Variants in GATC observed in about 807,000 individuals in gnomAD.
The protein encoded by GATC is glutamyl-tRNA(Gln) amidotransferase subunit C, mitochondrial.
Under a neutral mutation model 14.4 loss-of-function variants are expected in GATC, and 11 were observed. The observed-to-expected ratio is 0.77, with a 90% confidence interval of 0.48 to 1.27. GATC has a LOEUF of 1.27. Ranked by LOEUF, GATC falls within the 50% of genes most tolerant of loss-of-function variation. The probability of loss-of-function intolerance (pLI) is 0.00; values close to 1 mark genes in which losing one functional copy is unlikely to be tolerated. For synonymous variants in GATC, 76 were observed against 79.3 expected (o/e 0.96, Z 0.22); for missense variants, 204 against 183.0 (o/e 1.11, Z -0.66).
chr12:120,455,888 G>A (rs1398584676), intron 2 of GATC, among the ~76,000 whole-genome samples: 4 of 151,970 alleles, frequency 2.6e-5, no homozygotes, highest in East Asian at 3.9e-4. Context: ...GGGTTTCACC[G>A]TGTTAGCCAG....
intron 3 of GATC, among the ~76,000 whole-genome samples, 178 bp downstream of exon 3, chr12:120,457,357 T>C (rs1486660710): frequency 6.6e-6 from 1 of 152,102 alleles, no homozygotes; most frequent in South Asian, 2.1e-4. Context: ...AGGGGGCAGT[T>C]AGTAACAGGA....
intron 2 of GATC, among the ~76,000 whole-genome samples, chr12:120,453,246 A>G (rs1047920782): frequency 1.3e-5 from 2 of 152,184 alleles, no homozygotes; most frequent in African/African-American, 2.4e-5. Flanking sequence ...GCACTTTCCA[A>G]TGCCACCGTA....
rs1170221029 is a variant in GATC at position 120,451,875 on chromosome 12, C to CTTTTTTTTTTTT, written c.254+5055_254+5066dup. Among the ~76,000 whole-genome samples, 179 of 90,806 alleles carry CTTTTTTTTTTTT rather than the reference C, an allele frequency of 2.0e-3. 13 individuals carry two copies. The highest frequency in any genetic ancestry group is 2.6e-3 in the Non-Finnish European group (116 of 44,186). The allele number at this position is 90,806 out of a possible 152,430, so 59.6% of individuals were successfully genotyped here. ...CAGGGGCTAATAAATTATATAAATT[C>CTTTTTTTTTTTT]TTTTTTTTTTTTTTTTTTTTGAGCT... On this transcript the variant is annotated intron_variant, in intron 2 of 3. Coordinates refer to ENST00000551765, the MANE Select transcript of GATC (RefSeq NM_176818.3).
At chr12:120,447,981 T>C (rs921204843) in intron 2 of GATC, among the ~76,000 whole-genome samples, 2 of 152,122 alleles carry the variant, frequency 1.3e-5, no homozygotes, top group Non-Finnish European at 2.9e-5. Context: ...TCTGGACTCC[T>C]GAGCAAAGGT....
At chr12:120,448,477 C>T (rs1159411222) in intron 2 of GATC, among the ~76,000 whole-genome samples, 2 of 151,164 alleles carry the variant, frequency 1.3e-5, no homozygotes, top group African/African-American at 2.4e-5. Flanking sequence ...TACAGGCACC[C>T]GCCACCACAC....
At chr12:120,452,309 T>C (rs904134409) in intron 2 of GATC, among the ~76,000 whole-genome samples, 2 of 152,214 alleles carry the variant, frequency 1.3e-5, no homozygotes, top group East Asian at 1.9e-4. Context: ...AGCAGAGAAT[T>C]TGGAACTCAG....
intron 2 of GATC, among the ~76,000 whole-genome samples, chr12:120,454,230 G>A (rs1404884997): frequency 6.6e-6 from 1 of 152,194 alleles, no homozygotes; most frequent in Admixed American, 6.5e-5. Flanking sequence ...TTTCTGAAAG[G>A]AGCAGGTGCT....
chr12:120,451,373 G>A (rs1426010093), intron 2 of GATC, among the ~76,000 whole-genome samples: 1 of 151,748 alleles, frequency 6.6e-6, no homozygotes, highest in Non-Finnish European at 1.5e-5. Context: ...GAACCAGGAC[G>A]GCAGAGGTTG....
In GATC at chr12:120,457,119, G is replaced by A. The variant is rs1001480729; in HGVS notation, c.298G>A (p.Ala100Thr). The part of the protein sequence containing the change: ...RSDNVVEGNC[A>T]DELLQNSHRV... ...CGACAATGTGGTAGAAGGCAACTGTGCTGATGAATTACTACAAAACTCCCA... is the reference window on the plus strand; with the variant it reads ...CGACAATGTGGTAGAAGGCAACTGTACTGATGAATTACTACAAAACTCCCA... The change falls in exon 3 of 4, where the codon GCT (alanine) becomes ACT (threonine). Residue 100 changes from alanine (A) to threonine (T), a missense_variant. Coordinates refer to ENST00000551765, the MANE Select transcript of GATC (RefSeq NM_176818.3). The A allele has an allele frequency of 1.2e-6, 2 of 1,614,102 alleles. No homozygotes were observed. The highest frequency in any genetic ancestry group is 1.7e-6 in the Non-Finnish European group (2 of 1,179,994).
At chr12:120,449,919 C>T (rs1440327791) in intron 2 of GATC, among the ~76,000 whole-genome samples, 9 of 151,972 alleles carry the variant, frequency 5.9e-5, no homozygotes, top group Non-Finnish European at 1.3e-4. Context: ...CACGCCACCA[C>T]GCCCAGCTAA....
At chr12:120,448,317 A>T (rs1592982230) in intron 2 of GATC, among the ~76,000 whole-genome samples, 1 of 134,004 alleles carries the variant, frequency 7.5e-6, no homozygotes, top group Non-Finnish European at 1.5e-5. Context: ...TCAGCCTCCC[A>T]CTTCCTCAAG....
rs779936408 is a variant in GATC, at chr12:120,462,165, G to GC, written c.*2206_*2207insC. 57 of 1,605,404 alleles carry GC rather than the reference G, an allele frequency of 3.6e-5. No individual in the cohort carries two copies. Among genetic ancestry groups the GC allele is most frequent in the Non-Finnish European group, 4.7e-5 (55 of 1,176,588 alleles). ...ACTCGGATGTAGGAAGTTTCACCCT[G>GC]AAATGCAAACAAAAACAAAAAGAGT... is the stretch of plus-strand genomic sequence containing the variant. On this transcript the variant is annotated 3_prime_UTR_variant, in exon 4 of 4. Coordinates refer to ENST00000551765, the MANE Select transcript of GATC (RefSeq NM_176818.3).
intron 2 of GATC, among the ~76,000 whole-genome samples, chr12:120,448,903 C>G (rs1877958647): frequency 6.6e-6 from 1 of 151,862 alleles, no homozygotes; most frequent in Non-Finnish European, 1.5e-5. Context: ...CTCGGCCTCC[C>G]AAAGTGCTGG....
Position 120,458,839 on chromosome 12 carries a change from A to C in GATC, c.359-1068A>C, listed in dbSNP as rs182901196. On this transcript the variant is annotated intron_variant, in intron 3 of 3. Coordinates refer to ENST00000551765, the MANE Select transcript of GATC (RefSeq NM_176818.3). The stretch of plus-strand genomic sequence containing the variant: ...TCTGGTTGATGCAAGGATGGGAAAG[A>C]AAGCTAGAAATTTTGTGAGCTAAAC... Among the ~76,000 whole-genome samples, 30 of 152,334 alleles carry C rather than the reference A, an allele frequency of 2.0e-4. 1 individual carries two copies. The East Asian group carries it at 5.0e-3, about 25-fold the overall frequency.
At position 120,446,759 on chromosome 12, in the gene GATC, G is replaced by A. The variant is rs773831073; in HGVS notation, c.184G>A (p.Ala62Thr). The change falls in exon 2 of 4, where the codon GCC becomes ACC. Residue 62 changes from alanine to threonine, a missense_variant. By Grantham distance (58) the Ala-to-Thr change is moderately conservative. Coordinates refer to ENST00000551765, the MANE Select transcript of GATC (RefSeq NM_176818.3). ...EAVARLEKAIAFADRLRAVDT... is the reference protein window; with the variant it reads ...EAVARLEKAITFADRLRAVDT... ...AGTGGCGCGACTGGAGAAAGCTATCGCCTTCGCCGACCGGCTACGCGCCGT... is the reference window on the plus strand; with the variant it reads ...AGTGGCGCGACTGGAGAAAGCTATCACCTTCGCCGACCGGCTACGCGCCGT... 2.0e-5 allele frequency: 32 copies of A among 1,613,958 alleles called. No individual in the cohort carries two copies. The highest frequency in any genetic ancestry group is 2.7e-5 in the Non-Finnish European group (32 of 1,180,032).
chr12:120,454,224 T>C (rs1878120820), intron 2 of GATC, among the ~76,000 whole-genome samples: 1 of 152,210 alleles, frequency 6.6e-6, no homozygotes, highest in East Asian at 1.9e-4. Context: ...TAAGGCTTTC[T>C]GAAAGGAGCA....
At position 120,462,530 on chromosome 12, in the gene GATC, C is replaced by T. The variant is rs1186797215; in HGVS notation, c.*2571C>T. ...GGGGTCATATAGTTTAATCCCCTGC[C>T]ACCTCATGTATGCATCTTTGGATGG... On this transcript the variant is annotated 3_prime_UTR_variant, in exon 4 of 4. Coordinates refer to ENST00000551765, the MANE Select transcript of GATC (RefSeq NM_176818.3). 1 of 171,644 alleles carries T rather than the reference C, an allele frequency of 5.8e-6. No individual in the cohort carries two copies. The highest frequency in any genetic ancestry group is 2.4e-5 in the African/African-American group (1 of 41,764). 10.6% of individuals were successfully genotyped at this position (171,644 alleles called of 1,614,324 possible).
At chr12:120,447,843 C>G (rs138192000) in intron 2 of GATC, among the ~76,000 whole-genome samples, 3 of 152,082 alleles carry the variant, frequency 2.0e-5, no homozygotes, top group African/African-American at 7.2e-5. Context: ...GTAATGTCCA[C>G]CTCCCAGACT....
chr12:120,448,668 CG>C (rs1381186105), intron 2 of GATC, among the ~76,000 whole-genome samples: 5 of 73,788 alleles, frequency 6.8e-5, no homozygotes, highest in Non-Finnish European at 9.3e-5. Context: ...TTTTTTGAGA[CG>C]GAGTTTCACT....
Sources: allele counts gnomAD v4.1 joint callset (sites outside exome capture counted in the v4.1 genomes callset), GRCh38; gene constraint gnomAD v4.1.1; transcripts MANE v1.5; gene names NCBI Gene and HGNC (gene_info 2026-07-23, HGNC 2026-07-21).